The following EIPR1 variants were observed in gnomAD, a reference collection of about 807,000 sequenced individuals.
The protein encoded by EIPR1 is EARP complex and GARP complex interacting protein 1, also known as EARP and GARP complex-interacting protein 1.
A neutral mutation model predicts 48.1 loss-of-function variants in EIPR1; 25 were observed. The observed-to-expected ratio is 0.52, with a 90% CI of 0.38 to 0.73. EIPR1 has a LOEUF of 0.73. Among genes scored for constraint, EIPR1 ranks in the 30% least tolerant of loss-of-function variants. The probability of loss-of-function intolerance (pLI) is 0.00; values close to 1 mark genes in which losing one functional copy is unlikely to be tolerated. For synonymous variants in EIPR1, 204 were observed against 201.9 expected (o/e 1.01, Z -0.09); for missense variants, 415 against 506.2 (o/e 0.82, Z 1.73).
At chr2:3,195,687 A>ATC (rs1368444733) in intron 6 of EIPR1, among the ~76,000 whole-genome samples, 1 of 152,206 alleles carries the variant, frequency 6.6e-6, no homozygotes, top group African/African-American at 2.4e-5. Flanking sequence ...TGCATGCTCC[A>ATC]TCACCAGTAA....
chr2:3,211,889 C>G (rs1665469946), intron 5 of EIPR1, among the ~76,000 whole-genome samples: 1 of 152,242 alleles, frequency 6.6e-6, no homozygotes, highest in Non-Finnish European at 1.5e-5. Context: ...GGCCATCCCT[C>G]TACCCTCATC....
At chr2:3,296,138 TGC>T (rs1342055634) in intron 3 of EIPR1, among the ~76,000 whole-genome samples, 8 of 112,752 alleles carry the variant, frequency 7.1e-5, no homozygotes, top group Non-Finnish European at 1.3e-4. Flanking sequence ...CCATCCTCTC[TGC>T]ACACACACAC....
chr2:3,214,608 C>T (rs1665569156), intron 4 of EIPR1, among the ~76,000 whole-genome samples: 1 of 152,194 alleles, frequency 6.6e-6, no homozygotes, highest in Non-Finnish European at 1.5e-5. Flanking sequence ...TCGTCAGAGC[C>T]AGCCTAACCT....
intron 1 of EIPR1, among the ~76,000 whole-genome samples, chr2:3,364,003 C>A (rs1429096603): frequency 2.0e-5 from 3 of 152,102 alleles, no homozygotes; most frequent in Non-Finnish European, 4.4e-5. Context: ...ATTAAAAAGG[C>A]AGAAAATAGC....
chr2:3,210,545 C>T (rs2103128772), intron 5 of EIPR1, among the ~76,000 whole-genome samples: 1 of 152,020 alleles, frequency 6.6e-6, no homozygotes, highest in South Asian at 2.1e-4. Context: ...AAGAAAGCAA[C>T]ATCCGCAGGC....
At chr2:3,285,339 A>AC (rs1164717067) in intron 3 of EIPR1, among the ~76,000 whole-genome samples, 6 of 36,146 alleles carry the variant, frequency 1.7e-4, no homozygotes, top group African/African-American at 4.0e-4. Flanking sequence ...CCCCACCCCC[A>AC]CCCCCCAGGT....
intron 3 of EIPR1, among the ~76,000 whole-genome samples, chr2:3,337,331 G>A (rs893766962): frequency 1.3e-5 from 2 of 152,190 alleles, no homozygotes; most frequent in African/African-American, 4.8e-5. Flanking sequence ...TTCAGCCTGT[G>A]GGACAAATGA....
intron 2 of EIPR1, among the ~76,000 whole-genome samples, chr2:3,353,002 A>C (rs1421419124): frequency 6.6e-6 from 1 of 152,240 alleles, no homozygotes; most frequent in Non-Finnish European, 1.5e-5. Context: ...GTCTCAAAAA[A>C]ACAAAAACCA....
intron 3 of EIPR1, among the ~76,000 whole-genome samples, chr2:3,335,790 AAG>A: frequency 6.6e-6 from 1 of 152,154 alleles, no homozygotes; most frequent in Non-Finnish European, 1.5e-5. Flanking sequence ...CTGCCTTGTG[AAG>A]AAGGCCCTGG....
At position 3,318,788 on chromosome 2, in the gene EIPR1, C is replaced by T; in HGVS notation, c.259+19229G>A. 3 of 460,972 alleles carry T rather than the reference C, an allele frequency of 6.5e-6. 1 individual carries two copies. Among genetic ancestry groups the T allele is most frequent in the Non-Finnish European group, 1.4e-5 (3 of 219,538 alleles). The allele number at this position is 460,972 out of a possible 1,614,324, so 28.6% of individuals were successfully genotyped here. ...AAAATACATCTGGTGACGTGCTACT[C>T]CTCGATCGCCACACATGCACCCCAA... On this transcript the variant is annotated intron_variant, in intron 3 of 8. Coordinates refer to ENST00000382125, the MANE Select transcript of EIPR1 (RefSeq NM_003310.5).
rs973540421 is a variant in EIPR1, at chr2:3,286,042, C to T, written c.260-28587G>A. ...CCGGCTGTAGGTGTTCCAGCTGTGG[C>T]TCCATCTTCCTAGCTGAGAGCCAAT... On this transcript the variant is annotated intron_variant, in intron 3 of 8. Coordinates refer to ENST00000382125, the MANE Select transcript of EIPR1 (RefSeq NM_003310.5). This position sits in a 1 kb window ranked among gnomAD's most constrained non-coding sequence, Gnocchi z 4.2. Among the ~76,000 whole-genome samples the T allele has an allele frequency of 1.6e-4, 24 of 152,272 alleles. No homozygotes were observed. The highest frequency in any genetic ancestry group is 5.3e-4 in the African/African-American group (22 of 41,544).
chr2:3,252,136 AC>A (rs1667018087), intron 4 of EIPR1, among the ~76,000 whole-genome samples: 1 of 152,242 alleles, frequency 6.6e-6, no homozygotes, highest in Non-Finnish European at 1.5e-5. Context: ...TCACTCAAAT[AC>A]GCGGAGTGTC....
At chr2:3,287,420 C>T (rs111788933) in intron 3 of EIPR1, among the ~76,000 whole-genome samples, 104 of 146,890 alleles carry the variant, frequency 7.1e-4, no homozygotes, top group African/African-American at 2.2e-3. Context: ...CACCACGCTC[C>T]GGAAAGCTCG....
chr2:3,231,852 A>G (rs760414374), intron 4 of EIPR1, among the ~76,000 whole-genome samples: 2 of 152,250 alleles, frequency 1.3e-5, no homozygotes, highest in South Asian at 2.1e-4. Context: ...GTCTCATAAA[A>G]TAAGTTTGGA....
At chr2:3,339,163 C>T (rs975758452) in intron 2 of EIPR1, among the ~76,000 whole-genome samples, 2 of 152,146 alleles carry the variant, frequency 1.3e-5, no homozygotes, top group Non-Finnish European at 2.9e-5. Flanking sequence ...ATGCTACATC[C>T]TTTTGTTTTG....
At chr2:3,319,307 C>T (rs933184011) in intron 3 of EIPR1, 5 of 233,610 alleles carry the variant, frequency 2.1e-5, no homozygotes, top group African/African-American at 9.0e-5. Context: ...GCTGCTGGCC[C>T]GGCAGGTCAT....
intron 3 of EIPR1, among the ~76,000 whole-genome samples, chr2:3,328,056 G>A (rs182752060): frequency 2.0e-4 from 31 of 152,276 alleles, no homozygotes; most frequent in African/African-American, 7.0e-4. Context: ...AGAGGGTGGG[G>A]AGTGGGCCAG....
At chr2:3,221,164 G>C (rs1471755408) in intron 4 of EIPR1, among the ~76,000 whole-genome samples, 1 of 4,290 alleles carries the variant, frequency 2.3e-4, no homozygotes, top group Non-Finnish European at 5.7e-4. Flanking sequence ...ACAGTGAGTC[G>C]GGAACACACG....
chr2:3,246,205 T>A (rs1331811977), intron 4 of EIPR1, among the ~76,000 whole-genome samples: 1 of 152,192 alleles, frequency 6.6e-6, no homozygotes, highest in African/African-American at 2.4e-5. Flanking sequence ...TCGAGCACAT[T>A]TTCTTACTAC....
Sources: allele counts gnomAD v4.1 joint callset (sites outside exome capture counted in the v4.1 genomes callset), GRCh38; gene constraint gnomAD v4.1.1; non-coding constraint Gnocchi (gnomAD v3.1); transcripts MANE v1.5; gene names NCBI Gene and HGNC (gene_info 2026-07-23, HGNC 2026-07-21).